ERC2: variants seen among roughly 807,000 people sequenced by gnomAD.
The protein encoded by ERC2 is ERC protein 2.
In ERC2, 42 loss-of-function variants were observed where a neutral mutation model predicts 114.8. That is an observed-to-expected ratio of 0.37 (90% CI 0.29 to 0.47). The LOEUF is 0.47. ERC2 is among the 20% of genes least tolerant of loss of function. The probability of loss-of-function intolerance (pLI) is 0.99; values close to 1 mark genes in which losing one functional copy is unlikely to be tolerated. For missense variants in ERC2, 939 were observed against 1,150.7 expected (o/e 0.82, Z 2.66); for synonymous variants, 454 against 425.5 (o/e 1.07, Z -0.82).
At chr3:56,294,132 T>G (rs1413325212) in intron 3 of ERC2, among the ~76,000 whole-genome samples, 1 of 152,256 alleles carries the variant, frequency 6.6e-6, no homozygotes, top group Non-Finnish European at 1.5e-5. Flanking sequence ...AGTAACAACA[T>G]GCCAGTAATT....
intron 13 of ERC2, among the ~76,000 whole-genome samples, chr3:55,930,394 AC>A (rs538765592): frequency 1.3e-5 from 2 of 152,226 alleles, no homozygotes; most frequent in Non-Finnish European, 2.9e-5. Context: ...TGGTACTGGT[AC>A]CAAAACAGAG....
At chr3:55,702,890 G>A (rs985849692) in intron 15 of ERC2, among the ~76,000 whole-genome samples, 2 of 152,176 alleles carry the variant, frequency 1.3e-5, no homozygotes, top group Non-Finnish European at 2.9e-5. Flanking sequence ...CCACAGCATA[G>A]CACTTAGGAA....
At chr3:56,225,257 A>G (rs1178698867) in intron 3 of ERC2, among the ~76,000 whole-genome samples, 1 of 152,166 alleles carries the variant, frequency 6.6e-6, no homozygotes, top group Admixed American at 6.5e-5. Flanking sequence ...AAAAAGGGGG[A>G]AAAAAGCATT....
At chr3:55,577,494 G>A (rs1406292110) in intron 17 of ERC2, among the ~76,000 whole-genome samples, 3 of 152,304 alleles carry the variant, frequency 2.0e-5, no homozygotes, top group East Asian at 1.9e-4. Context: ...GCTCCCCAGC[G>A]GCTGCCTCTA....
At chr3:56,304,562 A>C (rs1017612458) in intron 2 of ERC2, among the ~76,000 whole-genome samples, 5 of 152,204 alleles carry the variant, frequency 3.3e-5, no homozygotes, top group African/African-American at 1.2e-4. Context: ...GCTAGTAGGC[A>C]TGAACTATAC....
At chr3:56,084,714 T>C (rs2077412194) in intron 6 of ERC2, among the ~76,000 whole-genome samples, 2 of 151,484 alleles carry the variant, frequency 1.3e-5, no homozygotes, top group South Asian at 4.2e-4. Flanking sequence ...GCAGGAAGGG[T>C]GTGAGGAGGA....
intron 17 of ERC2, among the ~76,000 whole-genome samples, chr3:55,530,683 T>A (rs1185893004): frequency 6.6e-6 from 1 of 152,206 alleles, no homozygotes; most frequent in African/African-American, 2.4e-5. Flanking sequence ...TCTCCATGCG[T>A]TAGGCTGGGG....
At chr3:55,670,227 A>C (rs990808758) in intron 17 of ERC2, among the ~76,000 whole-genome samples, 1 of 152,164 alleles carries the variant, frequency 6.6e-6, no homozygotes, top group South Asian at 2.1e-4. Flanking sequence ...CAGAGCTCAC[A>C]CTCTTACCCC....
intron 4 of ERC2, among the ~76,000 whole-genome samples, chr3:56,164,186 A>G (rs1016475500): frequency 4.6e-5 from 7 of 152,068 alleles, no homozygotes; most frequent in African/African-American, 9.7e-5. Flanking sequence ...TTCTGCAACC[A>G]TCACTGCTAT....
intron 17 of ERC2, among the ~76,000 whole-genome samples, chr3:55,554,684 C>A (rs1338094636): frequency 1.3e-5 from 2 of 152,204 alleles, no homozygotes; most frequent in African/African-American, 4.8e-5. Flanking sequence ...GTCCTCTCTG[C>A]TGCTTCCCAG....
chr3:56,313,404 G>A (rs996266993), intron 2 of ERC2, among the ~76,000 whole-genome samples: 17 of 151,972 alleles, frequency 1.1e-4, no homozygotes, highest in African/African-American at 3.4e-4. Flanking sequence ...AGAGCATTAC[G>A]GATGCCTTCC....
At chr3:55,786,290 C>A (rs1403634984) in intron 14 of ERC2, among the ~76,000 whole-genome samples, 1 of 152,184 alleles carries the variant, frequency 6.6e-6, no homozygotes, top group Non-Finnish European at 1.5e-5. Flanking sequence ...TATTATAGAG[C>A]TTTCTACCCA....
intron 3 of ERC2, among the ~76,000 whole-genome samples, chr3:56,182,014 A>AT (rs2083315543): frequency 1.3e-5 from 2 of 152,208 alleles, no homozygotes; most frequent in Non-Finnish European, 1.5e-5. Flanking sequence ...AGCAACTCCC[A>AT]AATTCCTGAC....
chr3:56,260,198 G>T (rs1327660205), intron 3 of ERC2, among the ~76,000 whole-genome samples: 2 of 152,110 alleles, frequency 1.3e-5, no homozygotes, highest in Admixed American at 6.5e-5. Context: ...TGCAAGCGGG[G>T]AAAGCAAGCT....
chr3:55,518,077 C>T (rs556990568), intron 17 of ERC2, among the ~76,000 whole-genome samples: 5 of 152,186 alleles, frequency 3.3e-5, no homozygotes, highest in African/African-American at 1.2e-4. Flanking sequence ...CAAGCCACTG[C>T]CCACTAGATG....
Position 55,683,864 on chromosome 3 carries a change from G to A in ERC2, c.2848-5C>T, listed in dbSNP as rs369099061. ...CCATATGCCCTCCTCGTCATCCTGC[G>A]GCCGGCCCGAGGTGGGGAGGTGCAC... On this transcript the variant is annotated splice_region_variant and splice_polypyrimidine_tract_variant and intron_variant, in intron 16 of 17. Transcript: ENST00000288221. 24 of 1,610,722 alleles carry A rather than the reference G, an allele frequency of 1.5e-5. No individual in the cohort carries two copies. Among genetic ancestry groups the A allele is most frequent in the African/African-American group, 2.7e-5 (2 of 74,512 alleles).
At chr3:56,247,217 A>T (rs183492889) in intron 3 of ERC2, among the ~76,000 whole-genome samples, 51 of 152,332 alleles carry the variant, frequency 3.3e-4, no homozygotes, top group African/African-American at 1.2e-3. Context: ...ATTAATTTCA[A>T]CTAAGCGGGG....
chr3:55,923,018 T>A (rs1390472685), intron 13 of ERC2, among the ~76,000 whole-genome samples: 1 of 152,120 alleles, frequency 6.6e-6, no homozygotes, highest in African/African-American at 2.4e-5. Context: ...AGTCCATCAA[T>A]TCCACTCTGG....
At chr3:55,534,357 C>G (rs1474005587) in intron 17 of ERC2, among the ~76,000 whole-genome samples, 1 of 145,146 alleles carries the variant, frequency 6.9e-6, no homozygotes, top group African/African-American at 2.5e-5. Flanking sequence ...GCAATCATAC[C>G]AACGTACTCC....
Sources: gnomAD v4.1 joint callset for allele counts (sites outside exome capture counted in the v4.1 genomes callset) on GRCh38, gnomAD v4.1.1 for gene constraint, MANE v1.5 for transcripts, NCBI Gene and HGNC (gene_info 2026-07-23, HGNC 2026-07-21) for gene names.